The following PARD3B variants were observed in gnomAD, a reference collection of about 807,000 sequenced individuals.
PARD3B encodes the protein par-3 family cell polarity regulator beta, also known as partitioning defective 3 homolog B.
Under a neutral mutation model 130.2 loss-of-function variants are expected in PARD3B, and 103 were observed. That is an observed-to-expected ratio of 0.79 (90% confidence interval 0.67 to 0.93). The LOEUF is 0.93. Ranked by LOEUF, PARD3B falls within the 40% of genes least tolerant of loss-of-function variation. PARD3B has a pLI of 0.00. For synonymous variants in PARD3B, 583 were observed against 553.2 expected (o/e 1.05, Z -0.76); for missense variants, 1,609 against 1,499.2 (o/e 1.07, Z -1.21).
intron 3 of PARD3B, among the ~76,000 whole-genome samples, chr2:205,041,327 G>C (rs898450935): frequency 1.3e-5 from 2 of 152,168 alleles, no homozygotes; most frequent in East Asian, 1.9e-4. Context: ...CTGAAGCCAA[G>C]ATTTGTATTT....
At chr2:205,383,133 T>TAGATAGAGAGATAGAG (rs1559039014) in intron 18 of PARD3B, among the ~76,000 whole-genome samples, 1 of 115,456 alleles carries the variant, frequency 8.7e-6, no homozygotes, top group Non-Finnish European at 2.0e-5. Context: ...GATAGATAGA[T>TAGATAGAGAGATAGAG]AGATAGATCG....
chr2:205,065,554 G>A (rs1359376328), intron 4 of PARD3B, among the ~76,000 whole-genome samples: 1 of 152,090 alleles, frequency 6.6e-6, no homozygotes, highest in African/African-American at 2.4e-5. Flanking sequence ...CAGTGTAGCC[G>A]TGTTGGGAAG....
At chr2:205,239,866 G>C (rs1420080277) in intron 15 of PARD3B, among the ~76,000 whole-genome samples, 6 of 152,172 alleles carry the variant, frequency 3.9e-5, no homozygotes, top group Non-Finnish European at 8.8e-5. Flanking sequence ...AGCTTGCTAA[G>C]ATAAATGAGA....
At chr2:205,149,750 G>T (rs1040355312) in intron 10 of PARD3B, among the ~76,000 whole-genome samples, 14 of 152,156 alleles carry the variant, frequency 9.2e-5, no homozygotes, top group African/African-American at 3.1e-4. Context: ...GGCCCTGGTT[G>T]CTTTGAATTT....
At chr2:205,248,163 ACT>A (rs1437159616) in intron 16 of PARD3B, among the ~76,000 whole-genome samples, 1 of 151,896 alleles carries the variant, frequency 6.6e-6, no homozygotes, top group Admixed American at 6.6e-5. Flanking sequence ...TTAGCGTCAA[ACT>A]CTTCTGGGCT....
At chr2:204,747,163 A>G (rs1424267803) in intron 2 of PARD3B, among the ~76,000 whole-genome samples, 1 of 152,128 alleles carries the variant, frequency 6.6e-6, no homozygotes, top group Non-Finnish European at 1.5e-5. Context: ...TATAAAGTGT[A>G]AGGAAGGGAT....
intron 3 of PARD3B, among the ~76,000 whole-genome samples, chr2:204,985,018 T>G (rs1337682015): frequency 1.3e-5 from 2 of 152,100 alleles, no homozygotes; most frequent in Non-Finnish European, 2.9e-5. Flanking sequence ...CTACCACGTT[T>G]GGCACGTCTA....
At chr2:204,821,855 T>C (rs150465776) in intron 2 of PARD3B, among the ~76,000 whole-genome samples, 10 of 152,272 alleles carry the variant, frequency 6.6e-5, no homozygotes, top group Non-Finnish European at 1.5e-4. Context: ...TGTGGAACTG[T>C]AAGTCCATTA....
At chr2:204,880,399 T>C (rs887257144) in intron 2 of PARD3B, among the ~76,000 whole-genome samples, 9 of 152,042 alleles carry the variant, frequency 5.9e-5, no homozygotes, top group African/African-American at 2.2e-4. Flanking sequence ...CGGTGGCTCA[T>C]GCCTGTAATC....
intron 2 of PARD3B, among the ~76,000 whole-genome samples, chr2:204,821,712 A>G (rs898151054): frequency 6.6e-6 from 1 of 151,868 alleles, no homozygotes; most frequent in African/African-American, 2.4e-5. Context: ...AATAAAAAAA[A>G]TTAAAAAAAA....
chr2:205,029,437 A>G (rs774745967), intron 3 of PARD3B, among the ~76,000 whole-genome samples: 24 of 152,154 alleles, frequency 1.6e-4, no homozygotes, highest in Middle Eastern at 6.8e-3. Context: ...CTTTGGAGGG[A>G]GTCCATTTTC....
intron 3 of PARD3B, among the ~76,000 whole-genome samples, chr2:204,975,143 G>A (rs1396836496): frequency 1.3e-5 from 2 of 152,128 alleles, no homozygotes; most frequent in East Asian, 1.9e-4. Context: ...CTCTTCATGT[G>A]TACCATTAGT....
intron 15 of PARD3B, among the ~76,000 whole-genome samples, chr2:205,238,502 G>A (rs1348650666): frequency 1.3e-5 from 2 of 151,960 alleles, no homozygotes; most frequent in Non-Finnish European, 2.9e-5. Context: ...TTAATGTTGT[G>A]TAGTAAGGTA....
intron 4 of PARD3B, chr2:205,103,682 G>C: frequency 1.0e-6 from 1 of 984,682 alleles, no homozygotes; most frequent in Non-Finnish European, 1.2e-6. Context: ...CCCTGTTAGG[G>C]AACAGCTCTG....
chr2:205,289,858 G>A (rs2041537547), intron 16 of PARD3B, among the ~76,000 whole-genome samples: 1 of 152,006 alleles, frequency 6.6e-6, no homozygotes, highest in African/African-American at 2.4e-5. Flanking sequence ...GCTGCCTTGG[G>A]ACTCTGCAGA....
chr2:205,461,760 C>G lies in PARD3B; in HGVS notation c.3044+21088C>G, dbSNP rs1012190722. Among the ~76,000 whole-genome samples the G allele has an allele frequency of 6.6e-6, 1 of 152,190 alleles. No individual in the cohort carries two copies. The highest frequency in any genetic ancestry group is 2.1e-4 in the South Asian group (1 of 4,814). ...GATTCAATAGGTCTGGGGTGGGACC[C>G]TACAATTTGCATTTCTAACAAGCTG... On this transcript the variant is annotated intron_variant, in intron 20 of 22. Coordinates refer to ENST00000406610, the MANE Select transcript of PARD3B (RefSeq NM_001302769.2). This position sits in a 1 kb window ranked among gnomAD's most constrained non-coding sequence, Gnocchi z 4.3.
At chr2:205,279,097 C>A (rs201705420) in intron 16 of PARD3B, among the ~76,000 whole-genome samples, 1,464 of 44,786 alleles carry the variant, frequency 0.033, no homozygotes, top group Middle Eastern at 0.074. Context: ...AAAAAAAAAA[C>A]AGTTGTTCAT....
chr2:205,468,388 C>T (rs939109768), intron 20 of PARD3B, among the ~76,000 whole-genome samples: 4 of 152,226 alleles, frequency 2.6e-5, no homozygotes, highest in Non-Finnish European at 5.9e-5. Flanking sequence ...CTATACTCTC[C>T]TTCTCAGTAA....
chr2:204,756,844 T>C (rs1248485642), intron 2 of PARD3B, among the ~76,000 whole-genome samples: 2 of 152,152 alleles, frequency 1.3e-5, no homozygotes, highest in Non-Finnish European at 2.9e-5. Flanking sequence ...GGTTTGGGCT[T>C]CTAATGATCC....
Sources: gnomAD v4.1 joint callset for allele counts (sites outside exome capture counted in the v4.1 genomes callset) on GRCh38, gnomAD v4.1.1 for gene constraint, Gnocchi (gnomAD v3.1) non-coding constraint, MANE v1.5 for transcripts, NCBI Gene and HGNC (gene_info 2026-07-23, HGNC 2026-07-21) for gene names.